Variants in PAN3 observed in about 807,000 individuals in gnomAD.
The protein encoded by PAN3 is poly(A) specific ribonuclease subunit PAN3, also known as PAN2-PAN3 deadenylation complex subunit PAN3.
A neutral mutation model predicts 96.2 loss-of-function variants in PAN3; 19 were observed. The observed-to-expected ratio is 0.20, with a 90% CI of 0.14 to 0.29. The LOEUF is 0.29. Among genes scored for constraint, PAN3 ranks in the 10% least tolerant of loss-of-function variants. The pLI, the probability that PAN3 is intolerant of heterozygous loss-of-function variation, is 1.00. For missense variants in PAN3, 882 were observed against 1,108.1 expected (o/e 0.80, Z 2.90); for synonymous variants, 433 against 406.6 (o/e 1.06, Z -0.78).
chr13:28,213,512 G>A (rs1880310726), intron 5 of PAN3, among the ~76,000 whole-genome samples: 1 of 152,050 alleles, frequency 6.6e-6, no homozygotes, highest in African/African-American at 2.4e-5. Flanking sequence ...CAAATTGAGT[G>A]CATTTATGCA....
chr13:28,204,471 T>C (rs1879116773), intron 5 of PAN3, among the ~76,000 whole-genome samples: 1 of 152,236 alleles, frequency 6.6e-6, no homozygotes, highest in Non-Finnish European at 1.5e-5. Flanking sequence ...AGTTTTACCT[T>C]ATCACCTTAT....
At chr13:28,160,506 T>C (rs1872761458) in intron 1 of PAN3, among the ~76,000 whole-genome samples, 3 of 152,192 alleles carry the variant, frequency 2.0e-5, no homozygotes, top group East Asian at 1.9e-4. Context: ...TAGAGACTTT[T>C]AGTAATAGGC....
chr13:28,224,727 A>G (rs138464767), intron 6 of PAN3, among the ~76,000 whole-genome samples: 190 of 152,278 alleles, frequency 1.2e-3, no homozygotes, highest in African/African-American at 4.4e-3. Context: ...GGCGCAAGCA[A>G]TTCTCCCACC....
chr13:28,187,833 A>G (rs998894405), intron 4 of PAN3, among the ~76,000 whole-genome samples: 1 of 152,072 alleles, frequency 6.6e-6, no homozygotes, highest in African/African-American at 2.4e-5. Context: ...AGCTGGGACT[A>G]CAGGCACATG....
intron 10 of PAN3, 68 bp from the exon 11 acceptor site, chr13:28,267,027 T>C (rs1283773986): frequency 2.8e-6 from 4 of 1,428,362 alleles, no homozygotes; most frequent in East Asian, 4.6e-5. Context: ...GCAATTTTTT[T>C]CCATTTCTGA....
intron 1 of PAN3, among the ~76,000 whole-genome samples, chr13:28,145,990 A>G (rs951509827): frequency 1.3e-5 from 2 of 151,866 alleles, no homozygotes; most frequent in Admixed American, 1.3e-4. Context: ...CTGGTCTCGA[A>G]CCCCTAACTT....
chr13:28,148,518 A>C (rs1870963838), intron 1 of PAN3, among the ~76,000 whole-genome samples: 1 of 152,214 alleles, frequency 6.6e-6, no homozygotes, highest in South Asian at 2.1e-4. Flanking sequence ...TTGGAATTAG[A>C]AATGTAATAC....
rs1869999166 is a variant in PAN3, at chr13:28,293,402, T to G, written c.*880T>G. The G allele has an allele frequency of 6.4e-5, 9 of 141,682 alleles. No individual in the cohort carries two copies. The highest frequency in any genetic ancestry group is 1.1e-4 in the Non-Finnish European group (7 of 65,148). 8.8% of individuals were successfully genotyped at this position (141,682 alleles called of 1,614,324 possible). A position where few individuals can be genotyped will look rare whatever the true frequency, so the allele number is the denominator to read the frequency against. ...CAGTTTGCTGGTTTTTTTTTTTTTT[T>G]TTTTTTTTTTTTTTGGGCGGGGGGG... On this transcript the variant is annotated 3_prime_UTR_variant, in exon 19 of 19. Transcript: ENST00000380958.
Position 28,260,426 on chromosome 13 carries a change from AC to A in PAN3, c.1249-16del. 3 of 1,534,094 alleles carry A rather than the reference AC, an allele frequency of 2.0e-6. No homozygotes were observed. Among genetic ancestry groups the A allele is most frequent in the Non-Finnish European group, 2.7e-6 (3 of 1,107,956 alleles). On this transcript the variant is annotated intron_variant, in intron 7 of 18. Transcript: ENST00000380958. ...GAAAGAAAAATGAGTGATTACATTT[AC>A]CCCCTTCCTACCTTTTTAGGTGTTT... is the stretch of plus-strand genomic sequence containing the variant.
intron 5 of PAN3, among the ~76,000 whole-genome samples, chr13:28,204,589 C>A (rs546341757): frequency 6.6e-6 from 1 of 152,270 alleles, no homozygotes; most frequent in African/African-American, 2.4e-5. Flanking sequence ...CACTTGGTCT[C>A]TTTTAAGGGC....
chr13:28,272,492 ATTTCTTAACCATTATGATG>A (rs1425970698), intron 14 of PAN3, among the ~76,000 whole-genome samples: 1 of 150,938 alleles, frequency 6.6e-6, no homozygotes, highest in Non-Finnish European at 1.5e-5. Flanking sequence ...CCCAGGCTGT[ATTTCTTAACCATTATGATG>A]TACTTAGTGT....
Position 28,139,023 on chromosome 13 carries a change from G to A in PAN3, c.366G>A (p.Pro122=). The change falls in exon 1 of 19, where the codon CCG becomes CCA. Residue 122 remains proline (P), a synonymous_variant. Coordinates refer to ENST00000380958, the MANE Select transcript of PAN3 (RefSeq NM_175854.8). The part of the protein sequence containing the change: ...PGPKKPDLGD[P]GTGAAAGGGG... ...CCAAGAAGCCGGACCTGGGGGACCC[G>A]GGGACCGGAGCCGCAGCCGGCGGAG... 4 of 1,274,410 alleles carry A rather than the reference G, an allele frequency of 3.1e-6. No individual in the cohort carries two copies. The highest frequency in any genetic ancestry group is 4.0e-6 in the Non-Finnish European group (4 of 1,010,744). 78.9% of individuals were successfully genotyped at this position (1,274,410 alleles called of 1,614,324 possible).
chr13:28,215,295 AC>A (rs1401240013), intron 5 of PAN3: 37 of 719,726 alleles, frequency 5.1e-5, no homozygotes, highest in Non-Finnish European at 5.9e-5. Context: ...TGGTATTGGT[AC>A]TGTGTCTGTG....
At chr13:28,217,561 A>G (rs1880934915) in intron 5 of PAN3, among the ~76,000 whole-genome samples, 1 of 151,778 alleles carries the variant, frequency 6.6e-6, no homozygotes, top group Admixed American at 6.6e-5. Context: ...CAGCCTGGCA[A>G]CAGAGTGAGA....
At chr13:28,195,821 C>A (rs1877980088) in intron 4 of PAN3, among the ~76,000 whole-genome samples, 1 of 152,160 alleles carries the variant, frequency 6.6e-6, no homozygotes, top group Non-Finnish European at 1.5e-5. Flanking sequence ...AGGCATGAGC[C>A]ACTGCACCCA....
At chr13:28,279,779 A>G (rs1887319907) in intron 15 of PAN3, among the ~76,000 whole-genome samples, 1 of 151,334 alleles carries the variant, frequency 6.6e-6, no homozygotes, top group African/African-American at 2.4e-5. Context: ...AATTCTTTCT[A>G]TTAATTTATT....
At chr13:28,179,709 A>C (rs1440359995) in intron 4 of PAN3, among the ~76,000 whole-genome samples, 3 of 147,022 alleles carry the variant, frequency 2.0e-5, no homozygotes, top group African/African-American at 5.0e-5. Flanking sequence ...GTCTCAGACA[A>C]AAAAAAAAAA....
At chr13:28,201,343 A>G (rs1878673405) in intron 5 of PAN3, among the ~76,000 whole-genome samples, 1 of 151,702 alleles carries the variant, frequency 6.6e-6, no homozygotes, top group Non-Finnish European at 1.5e-5. Flanking sequence ...TGTACTGGCC[A>G]TGAAATTTCT....
chr13:28,157,048 A>T (rs1872273325), intron 1 of PAN3, among the ~76,000 whole-genome samples: 1 of 149,670 alleles, frequency 6.7e-6, no homozygotes, highest in African/African-American at 2.5e-5. Context: ...AGTAGGCTTT[A>T]CCCCTGAGTT....
Sources: allele counts gnomAD v4.1 joint callset (sites outside exome capture counted in the v4.1 genomes callset), GRCh38; gene constraint gnomAD v4.1.1; transcripts MANE v1.5; gene names NCBI Gene and HGNC (gene_info 2026-07-23, HGNC 2026-07-21).